The following PLVAP variants were observed in gnomAD, a reference collection of about 807,000 sequenced individuals.
PLVAP encodes plasmalemma vesicle associated protein.
A neutral mutation model predicts 43.1 loss-of-function variants in PLVAP; 34 were observed. The ratio of observed to expected loss-of-function variants is 0.79; its 90% CI spans 0.60 to 1.05. The LOEUF is 1.05. PLVAP is among the 50% of genes least tolerant of loss of function. The pLI is 0.00. For synonymous variants in PLVAP, 241 were observed against 237.3 expected, an observed-to-expected ratio of 1.02 and a Z score of -0.14; for missense variants, 574 against 593.4, an observed-to-expected ratio of 0.97 and a Z score of 0.34.
chr19:17,369,135 A>G (rs969934672), intron 1 of PLVAP, among the ~76,000 whole-genome samples: 5 of 151,620 alleles, frequency 3.3e-5, no homozygotes, highest in Non-Finnish European at 5.9e-5. Context: ...TGCTAACACC[A>G]TCTCATGAGG....
intron 5 of PLVAP, among the ~76,000 whole-genome samples, chr19:17,354,917 A>G (rs1160482041): frequency 1.3e-5 from 2 of 150,364 alleles, no homozygotes; most frequent in Non-Finnish European, 3.0e-5. Context: ...AAAAAATTAA[A>G]ATTAAAAATA....
intron 3 of PLVAP, among the ~76,000 whole-genome samples, chr19:17,363,069 C>T (rs1257157093): frequency 5.9e-5 from 9 of 152,246 alleles, no homozygotes; most frequent in Admixed American, 1.3e-4. Flanking sequence ...TTTCATTTTT[C>T]GTTTTTAGAA....
intron 5 of PLVAP, among the ~76,000 whole-genome samples, chr19:17,354,919 T>G (rs897097593): frequency 4.7e-5 from 7 of 149,166 alleles, no homozygotes; most frequent in Admixed American, 3.4e-4. Flanking sequence ...AAAATTAAAA[T>G]TAAAAATAAA....
At chr19:17,365,138 C>T (rs2074543257) in intron 3 of PLVAP, 148 bp downstream of exon 3, 6 of 680,978 alleles carry the variant, frequency 8.8e-6, no homozygotes, top group Non-Finnish European at 1.5e-5. Flanking sequence ...CTATCCTGAT[C>T]CTAATGCCTG....
At chr19:17,376,280 A>G (rs1213511502) in intron 1 of PLVAP, among the ~76,000 whole-genome samples, 2 of 152,214 alleles carry the variant, frequency 1.3e-5, no homozygotes, top group African/African-American at 2.4e-5. Context: ...GCTTGAGCCC[A>G]GGAGTTCGAG....
At position 17,376,914 on chromosome 19, in the gene PLVAP, C is replaced by T. The variant is rs765334521; in HGVS notation, c.369+6G>A. 1 of 1,609,742 alleles carries T rather than the reference C, an allele frequency of 6.2e-7. No homozygotes were observed. Among genetic ancestry groups the T allele is most frequent in the Admixed American group, 1.7e-5 (1 of 59,888 alleles). On this transcript the variant is annotated splice_donor_region_variant and intron_variant, in intron 1 of 5. Coordinates refer to ENST00000252590, the MANE Select transcript of PLVAP (RefSeq NM_031310.3). ...CCCAGGGCGAGTGTCCTGCCCACAG[C>T]CTTACCCGGTCACCCTGGCACTGGC...
chr19:17,355,828 C>A (rs1282285580), intron 5 of PLVAP, among the ~76,000 whole-genome samples: 1 of 152,126 alleles, frequency 6.6e-6, no homozygotes, highest in African/African-American at 2.4e-5. Flanking sequence ...GCCAACATAC[C>A]CAGCCATTAC....
Position 17,360,565 on chromosome 19 carries a change from G to A in PLVAP, c.1285C>T (p.Gln429Ter). The A allele has an allele frequency of 6.2e-7, 1 of 1,613,952 alleles. No homozygotes were observed. Among genetic ancestry groups the A allele is most frequent in the South Asian group, 1.1e-5 (1 of 91,060 alleles). The change falls in exon 5 of 6, where the codon CAG becomes TAG. Residue 429 changes from glutamine to a stop codon, truncating the protein, a stop_gained. Coordinates refer to ENST00000252590, the MANE Select transcript of PLVAP (RefSeq NM_031310.3). LOFTEE classifies it low-confidence loss of function (END_TRUNC). ...EEFKRKILES[Q>*]RPPAGIPVAP... ...ACAGGGATGCCTGCAGGGGGCCTCT[G>A]GGACTCCAGGATCTTCCTCTTGAAC...
intron 1 of PLVAP, among the ~76,000 whole-genome samples, chr19:17,370,716 A>G (rs547343155): frequency 1.3e-5 from 2 of 152,260 alleles, no homozygotes; most frequent in Non-Finnish European, 2.9e-5. Context: ...ATAATGTTCT[A>G]AAATGGATCG....
intron 5 of PLVAP, among the ~76,000 whole-genome samples, chr19:17,359,176 C>T (rs1373494749): frequency 6.6e-6 from 1 of 151,752 alleles, no homozygotes; most frequent in African/African-American, 2.4e-5. Context: ...AATCTTGGCT[C>T]ACTGCAACCT....
chr19:17,354,025 C>T (rs1226601225), intron 5 of PLVAP, among the ~76,000 whole-genome samples: 1 of 152,182 alleles, frequency 6.6e-6, no homozygotes, highest in African/African-American at 2.4e-5. Context: ...CGCGGTGGCT[C>T]ATGCCTGTAA....
chr19:17,352,508 C>T, intron 5 of PLVAP, 140 bp from the exon 6 acceptor site: 1 of 901,156 alleles, frequency 1.1e-6, no homozygotes, highest in Non-Finnish European at 1.8e-6. Context: ...CCCTGGGCCC[C>T]TACTTCTTCC....
Position 17,360,834 on chromosome 19 carries a change from TG to T in PLVAP, c.1180-3del. The T allele has an allele frequency of 6.2e-7, 1 of 1,613,290 alleles. No homozygotes were observed. Reference sequence around the variant, plus strand: ...TGACACTGGCATCATCGGCTGCGACTGTGAAAGAAAGATGGAGGGAGGTTGG... The same window carrying T: ...TGACACTGGCATCATCGGCTGCGACTTGAAAGAAAGATGGAGGGAGGTTGG... On this transcript the variant is annotated splice_region_variant and splice_polypyrimidine_tract_variant and intron_variant, in intron 3 of 5. Coordinates refer to ENST00000252590, the MANE Select transcript of PLVAP (RefSeq NM_031310.3).
At position 17,352,283 on chromosome 19, in the gene PLVAP, G is replaced by T; in HGVS notation, c.*79C>A. 1 of 1,577,832 alleles carries T rather than the reference G, an allele frequency of 6.3e-7. No individual in the cohort carries two copies. The highest frequency in any genetic ancestry group is 1.7e-5 in the Admixed American group (1 of 59,836). ...GGGGGCGGCGGGAGGGGGTTGTGTC[G>T]GGCGCTGTGAGCATATCCCTGCATC... On this transcript the variant is annotated 3_prime_UTR_variant, in exon 6 of 6. Transcript: ENST00000252590.
At chr19:17,364,617 G>A (rs116865786) in intron 3 of PLVAP, among the ~76,000 whole-genome samples, 2,559 of 151,990 alleles carry the variant, frequency 0.017, 55 homozygotes, top group Admixed American at 0.023. Flanking sequence ...TCTGTAGGGC[G>A]GACAGCCACC....
chr19:17,368,705 T>C (rs1449123400), intron 1 of PLVAP, among the ~76,000 whole-genome samples: 1 of 151,588 alleles, frequency 6.6e-6, no homozygotes, highest in African/African-American at 2.4e-5. Flanking sequence ...AGGCCGGCTA[T>C]GGTGGCTCAC....
chr19:17,355,204 G>A (rs2074501570), intron 5 of PLVAP, among the ~76,000 whole-genome samples: 2 of 142,598 alleles, frequency 1.4e-5, no homozygotes, highest in Admixed American at 7.2e-5. Context: ...AGCGTGGGTG[G>A]CAGAGTGAGA....
intron 3 of PLVAP, among the ~76,000 whole-genome samples, chr19:17,363,852 C>T (rs2074537991): frequency 6.6e-6 from 1 of 150,996 alleles, no homozygotes. Context: ...ACGCCATTCT[C>T]CCGCCTCAGC....
chr19:17,371,206 G>A (rs1046007797), intron 1 of PLVAP, among the ~76,000 whole-genome samples: 4 of 151,592 alleles, frequency 2.6e-5, no homozygotes, highest in African/African-American at 9.7e-5. Context: ...CTGTGGCCCA[G>A]GCTAGAGTGC....
Sources: gnomAD v4.1 joint callset for allele counts (sites outside exome capture counted in the v4.1 genomes callset) on GRCh38, gnomAD v4.1.1 for gene constraint, MANE v1.5 for transcripts, NCBI Gene and HGNC (gene_info 2026-07-23, HGNC 2026-07-21) for gene names.